The following LYPD6B variants were observed in gnomAD, a reference collection of about 807,000 sequenced individuals.
The protein encoded by LYPD6B is ly6/PLAUR domain-containing protein 6B.
LYPD6B carries 17 observed loss-of-function variants against 22.8 expected under a neutral mutation model. The ratio of observed to expected loss-of-function variants is 0.75; its 90% confidence interval spans 0.51 to 1.12. The LOEUF (loss-of-function observed/expected upper bound fraction) is 1.12. Among genes scored for constraint, LYPD6B ranks in the 50% most tolerant of loss-of-function variants. LYPD6B has a pLI of 0.00. For missense variants in LYPD6B, 221 were observed against 258.3 expected (o/e 0.86, Z 0.99); for synonymous variants, 106 against 91.6 (o/e 1.16, Z -0.90).
At chr2:149,061,185 C>T (rs1684060788) in intron 1 of LYPD6B, among the ~76,000 whole-genome samples, 1 of 134,976 alleles carries the variant, frequency 7.4e-6, no homozygotes, top group Admixed American at 8.2e-5. Context: ...TCAGACTTAG[C>T]AGGCTGCAGT....
intron 2 of LYPD6B, among the ~76,000 whole-genome samples, chr2:149,141,167 G>A (rs891574386): frequency 1.3e-5 from 2 of 152,174 alleles, no homozygotes; most frequent in Non-Finnish European, 2.9e-5. Flanking sequence ...AACCTGGTCA[G>A]GGCAGGCTTT....
chr2:149,040,883 A>G (rs1330438387), intron 1 of LYPD6B, among the ~76,000 whole-genome samples: 1 of 152,218 alleles, frequency 6.6e-6, no homozygotes, highest in Admixed American at 6.5e-5. Context: ...TTCATTCGAC[A>G]TATAATAAAT....
chr2:149,117,329 G>A (rs1687057379), intron 1 of LYPD6B, among the ~76,000 whole-genome samples: 1 of 150,944 alleles, frequency 6.6e-6, no homozygotes, highest in African/African-American at 2.5e-5. Context: ...AGAGTGAAGT[G>A]GTTTGATCTT....
chr2:149,183,445 A>AT lies in LYPD6B; in HGVS notation c.78-21799dup, dbSNP rs70994563. 3.2e-3 allele frequency among the ~76,000 whole-genome samples: 478 copies of AT among 151,650 alleles called. 4 individuals are homozygous for AT. The highest frequency in any genetic ancestry group is 7.8e-3 in the African/African-American group (323 of 41,306). On this transcript the variant is annotated intron_variant, in intron 3 of 6. Coordinates refer to ENST00000409642, the MANE Select transcript of LYPD6B (RefSeq NM_177964.5). ...TCTTTTTTGTTTTTTTAAGAAAATA[A>AT]TTTTTTTTTCCTGAGACATTTGTTC...
At chr2:149,042,936 T>C (rs1451534219) in intron 1 of LYPD6B, among the ~76,000 whole-genome samples, 1 of 152,202 alleles carries the variant, frequency 6.6e-6, no homozygotes, top group Admixed American at 6.5e-5. Context: ...CAGAATTTCT[T>C]TGATTGTTTG....
At chr2:149,059,196 T>G (rs1022087140) in intron 1 of LYPD6B, among the ~76,000 whole-genome samples, 2 of 152,234 alleles carry the variant, frequency 1.3e-5, no homozygotes, top group African/African-American at 4.8e-5. Flanking sequence ...TAAGTAAGTC[T>G]TTTCGACCCC....
At chr2:149,123,693 C>A (rs1044289809) in intron 1 of LYPD6B, among the ~76,000 whole-genome samples, 2 of 152,068 alleles carry the variant, frequency 1.3e-5, no homozygotes, top group Non-Finnish European at 2.9e-5. Context: ...GAAACCCTGT[C>A]CCTACTAAAA....
In LYPD6B at chr2:149,187,798, T is replaced by C. The variant is rs183113177; in HGVS notation, c.78-17455T>C. On this transcript the variant is annotated intron_variant, in intron 3 of 6. Coordinates refer to ENST00000409642, the MANE Select transcript of LYPD6B (RefSeq NM_177964.5). ...TTAAGAAAGTTTACAAAATTTGTGT[T>C]TGGCCGCATTCAAAGCCTTCCTGGG... is the stretch of plus-strand genomic sequence containing the variant. Among the ~76,000 whole-genome samples, 44 of 152,384 alleles carry C rather than the reference T, an allele frequency of 2.9e-4. 1 individual carries two copies. The highest frequency in any genetic ancestry group is 2.5e-3 in the Admixed American group (38 of 15,304).
chr2:149,174,586 A>G (rs1285048922), intron 3 of LYPD6B, among the ~76,000 whole-genome samples: 1 of 152,146 alleles, frequency 6.6e-6, no homozygotes, highest in African/African-American at 2.4e-5. Context: ...GAGAGTTTTT[A>G]ACATGAAGGA....
At chr2:149,171,027 C>CA (rs1441264040) in intron 3 of LYPD6B, among the ~76,000 whole-genome samples, 1 of 152,136 alleles carries the variant, frequency 6.6e-6, no homozygotes, top group Non-Finnish European at 1.5e-5. Flanking sequence ...GAAAATAAAA[C>CA]AAGTGGTGAT....
chr2:149,114,989 G>T (rs947114228), intron 1 of LYPD6B, among the ~76,000 whole-genome samples: 1 of 152,154 alleles, frequency 6.6e-6, no homozygotes, highest in Non-Finnish European at 1.5e-5. Flanking sequence ...GCCCAGGCTG[G>T]AGTGCAGTGG....
chr2:149,069,067 T>A (rs1217655247), intron 1 of LYPD6B, among the ~76,000 whole-genome samples: 2 of 151,962 alleles, frequency 1.3e-5, no homozygotes, highest in African/African-American at 4.8e-5. Flanking sequence ...CACCCCGAAG[T>A]TCTTTATTAT....
At chr2:149,141,084 G>A (rs961343991) in intron 2 of LYPD6B, among the ~76,000 whole-genome samples, 1 of 152,190 alleles carries the variant, frequency 6.6e-6, no homozygotes, top group Non-Finnish European at 1.5e-5. Context: ...TCATCAGGTG[G>A]TGGTAAGTGA....
chr2:149,131,170 C>T (rs1688005987), intron 2 of LYPD6B: 1 of 490,024 alleles, frequency 2.0e-6, no homozygotes, highest in African/African-American at 2.0e-5. Flanking sequence ...GAACTTTTGA[C>T]ACAAAGCTGT....
chr2:149,142,226 C>T (rs1471020469), intron 2 of LYPD6B: 1 of 152,224 alleles, frequency 6.6e-6, no homozygotes, highest in Non-Finnish European at 1.5e-5. Flanking sequence ...GTGACTTCAT[C>T]ACCCAGCCAG....
chr2:149,130,962 T>A lies in LYPD6B; in HGVS notation c.5+9T>A. On this transcript the variant is annotated intron_variant, in intron 2 of 6. Transcript: ENST00000409642. ...TTAATCACATGGATGTTGTGAGTAT[T>A]ATATTCACAAGTGGATGTAGAGAAG... 4 of 1,592,652 alleles carry A rather than the reference T, an allele frequency of 2.5e-6. No individual in the cohort carries two copies. The highest frequency in any genetic ancestry group is 2.7e-5 in the African/African-American group (2 of 74,632).
rs141580967 is a variant in LYPD6B at position 149,207,355 on chromosome 2, G to T, written c.230-959G>T. 2.5e-4 allele frequency among the ~76,000 whole-genome samples: 38 copies of T among 152,160 alleles called. No individual in the cohort carries two copies. The East Asian group carries it at 6.7e-3, about 27-fold the overall frequency. On this transcript the variant is annotated intron_variant, in intron 4 of 6. Transcript: ENST00000409642. ...ATCTTCTAGTTATATTACTAAGATG[G>T]TTACTGTGTTACTAATAGAATGAAG...
intron 1 of LYPD6B, among the ~76,000 whole-genome samples, chr2:149,111,706 C>CA (rs1686766333): frequency 6.6e-6 from 1 of 152,006 alleles, no homozygotes; most frequent in African/African-American, 2.4e-5. Flanking sequence ...GTGTCATCAG[C>CA]ATATAGAAGG....
chr2:149,200,522 CA>C (rs35331894), intron 3 of LYPD6B: 81,024 of 150,454 alleles, frequency 0.54, 21,970 homozygotes, highest in Non-Finnish European at 0.56. Flanking sequence ...GGGAATATAA[CA>C]AAAAAAAAAT....
Sources: gnomAD v4.1 joint callset for allele counts (sites outside exome capture counted in the v4.1 genomes callset) on GRCh38, gnomAD v4.1.1 for gene constraint, MANE v1.5 for transcripts, NCBI Gene and HGNC (gene_info 2026-07-23, HGNC 2026-07-21) for gene names.